Variants in PDGFA observed in about 807,000 individuals in gnomAD.
The protein encoded by PDGFA is platelet-derived growth factor subunit A.
A neutral mutation model predicts 25.6 loss-of-function variants in PDGFA; 9 were observed. The observed-to-expected ratio is 0.35, with a 90% CI of 0.21 to 0.61. The LOEUF (loss-of-function observed/expected upper bound fraction) is 0.61, where lower values mean the gene tolerates loss of function less well. Among genes scored for constraint, PDGFA ranks in the 20% least tolerant of loss-of-function variants. The pLI is 0.75. For missense variants in PDGFA, 242 were observed against 272.8 expected, an observed-to-expected ratio of 0.89 and a Z score of 0.79; for synonymous variants, 133 against 111.8, an observed-to-expected ratio of 1.19 and a Z score of -1.20.
chr7:520,548 G>T (rs1783326718), upstream of PDGFA: 1 of 152,384 alleles, frequency 6.6e-6, no homozygotes, highest in South Asian at 2.1e-4. Flanking sequence ...GCGCCCCCCA[G>T]TCCCCCACTC....
chr7:511,063 G>T, intron 3 of PDGFA, 67 bp from the exon 4 acceptor site: 1 of 1,343,388 alleles, frequency 7.4e-7, no homozygotes, highest in Non-Finnish European at 1.0e-6. Context: ...CCAGGGCTGA[G>T]GCGGCTCCAG....
At chr7:519,189 C>A in exon 1 of PDGFA, 2 of 442,642 alleles carry the variant, frequency 4.5e-6, no homozygotes, top group Non-Finnish European at 8.0e-6. Flanking sequence ...AGGCAGGCAG[C>A]GCCAGCCAGG....
At chr7:519,650 C>T (rs1178429133), upstream of PDGFA, among the ~76,000 whole-genome samples, 1 of 145,210 alleles carries the variant, frequency 6.9e-6, no homozygotes, top group Non-Finnish European at 1.5e-5. Flanking sequence ...TCGCCGGGGC[C>T]GGGCAGCGCC....
intron 2 of PDGFA, among the ~76,000 whole-genome samples, chr7:515,142 G>A (rs1783031703): frequency 6.6e-6 from 1 of 152,170 alleles, no homozygotes; most frequent in African/African-American, 2.4e-5. Flanking sequence ...CTACAGCGTG[G>A]GCCTTAGAGG....
exon 6 of PDGFA, chr7:497,960 A>AAAAAAAAC (rs1782153107): frequency 2.4e-5 from 2 of 81,756 alleles, no homozygotes; most frequent in African/African-American, 4.9e-5. Flanking sequence ...AAAAAAAAAC[A>AAAAAAAAC]AAAAAAAAAA....
At chr7:515,702 G>A (rs1783056276) in intron 2 of PDGFA, among the ~76,000 whole-genome samples, 1 of 152,184 alleles carries the variant, frequency 6.6e-6, no homozygotes, top group South Asian at 2.1e-4. Context: ...GGAGGAGAGA[G>A]CTCCTGGGAC....
chr7:504,077 C>T (rs938980591), intron 4 of PDGFA, among the ~76,000 whole-genome samples: 1 of 152,152 alleles, frequency 6.6e-6, no homozygotes, highest in African/African-American at 2.4e-5. Context: ...TCACACCCAC[C>T]CAGGAGTTGA....
At chr7:514,845 C>T (rs1032279697) in intron 2 of PDGFA, among the ~76,000 whole-genome samples, 9 of 152,230 alleles carry the variant, frequency 5.9e-5, no homozygotes, top group Non-Finnish European at 1.2e-4. Context: ...GATCTAAAAG[C>T]CACAGGTGAA....
chr7:498,147 A>G (rs934234520), exon 6 of PDGFA: 2 of 217,282 alleles, frequency 9.2e-6, no homozygotes, highest in African/African-American at 4.6e-5. Flanking sequence ...AGTCGTTCCC[A>G]AAGCAGGCTC....
chr7:504,054 A>G (rs1326244746), intron 4 of PDGFA, among the ~76,000 whole-genome samples: 2 of 152,160 alleles, frequency 1.3e-5, no homozygotes, highest in Non-Finnish European at 2.9e-5. Flanking sequence ...CCCATCTGTA[A>G]AACGGAGACC....
intron 4 of PDGFA, among the ~76,000 whole-genome samples, chr7:506,174 T>TAAAAAAAAAAAAAAA (rs1782556546): frequency 2.2e-5 from 1 of 45,064 alleles, no homozygotes; most frequent in African/African-American, 7.2e-5. Flanking sequence ...AGACTCTGTC[T>TAAAAAAAAAAAAAAA]CAAAAAAAAA....
At chr7:499,120 A>C (rs1232092896) in intron 5 of PDGFA, among the ~76,000 whole-genome samples, 5 of 152,242 alleles carry the variant, frequency 3.3e-5, no homozygotes, top group Non-Finnish European at 7.3e-5. Flanking sequence ...GGCATGGGAC[A>C]ACAGGAGTGC....
rs367984310 is a variant in PDGFA at position 513,057 on chromosome 7, A to G, written c.161-602T>C. 2.3e-5 allele frequency: 4 copies of G among 177,204 alleles called. No homozygotes were observed. In the East Asian group the frequency reaches 5.5e-4, roughly 24 times the overall value. The allele number at this position is 177,204 out of a possible 1,614,324, so 11.0% of individuals were successfully genotyped here. On this transcript the variant is annotated intron_variant, in intron 2 of 5. Coordinates refer to ENST00000402802, the Ensembl canonical transcript of PDGFA. The stretch of plus-strand genomic sequence containing the variant: ...GGGCCAGACCCCACTCATTCCTGAA[A>G]TGAGTCTACTCTAGGGCCAGCGGCC...
intron 4 of PDGFA, among the ~76,000 whole-genome samples, chr7:502,814 T>C (rs971428255): frequency 6.5e-5 from 6 of 92,708 alleles, no homozygotes; most frequent in Non-Finnish European, 1.3e-4. Flanking sequence ...ACACACATAA[T>C]GCACATATAG....
At chr7:504,654 G>A (rs904373645) in intron 4 of PDGFA, among the ~76,000 whole-genome samples, 1 of 152,238 alleles carries the variant, frequency 6.6e-6, no homozygotes, top group South Asian at 2.1e-4. Context: ...GGGGCAGGTG[G>A]GCTCTGAAAT....
intron 4 of PDGFA, among the ~76,000 whole-genome samples, chr7:504,996 A>T (rs373248195): frequency 1.3e-5 from 2 of 152,246 alleles, no homozygotes; most frequent in African/African-American, 4.8e-5. Context: ...CTCCTCAGAC[A>T]AGCCCGTTTT....
intron 4 of PDGFA, among the ~76,000 whole-genome samples, chr7:502,811 T>C (rs9692045): frequency 0.47 from 49,043 of 104,786 alleles, 8,676 homozygotes; most frequent in Non-Finnish European, 0.5. Flanking sequence ...CACACACACA[T>C]AATGCACATA....
chr7:501,154 G>A, exon 5 of PDGFA: 11 of 1,614,212 alleles, frequency 6.8e-6, no homozygotes, highest in Non-Finnish European at 9.3e-6. Flanking sequence ...CAGGCTTGTG[G>A]TCGCGCAGGC....
At chr7:512,257 G>A (rs1218255731) in intron 3 of PDGFA, 94 bp downstream of exon 3, 1 of 1,198,624 alleles carries the variant, frequency 8.3e-7, no homozygotes. Context: ...AGAGCGGGCA[G>A]CTCCTCCCCA....
Sources: allele counts gnomAD v4.1 joint callset (sites outside exome capture counted in the v4.1 genomes callset), GRCh38; gene constraint gnomAD v4.1.1; transcripts MANE v1.5; gene names NCBI Gene and HGNC (gene_info 2026-07-23, HGNC 2026-07-21).